The following RACK1 variants were observed in gnomAD, a reference collection of about 807,000 sequenced individuals.
RACK1 encodes the protein receptor for activated C kinase 1, also known as small ribosomal subunit protein RACK1.
In RACK1, 3 loss-of-function variants were observed where a neutral mutation model predicts 42.2. The observed-to-expected ratio is 0.07, with a 90% CI of 0.03 to 0.18. The LOEUF (loss-of-function observed/expected upper bound fraction) is 0.18. Ranked by LOEUF, RACK1 falls within the 10% of genes least tolerant of loss-of-function variation. The pLI is 1.00. For synonymous variants in RACK1, 181 were observed against 154.8 expected (o/e 1.17, Z -1.25); for missense variants, 146 against 403.2 (o/e 0.36, Z 5.46).
At chr5:181,242,678 C>G (rs570297112) in intron 1 of RACK1, 2 of 380,996 alleles carry the variant, frequency 5.2e-6, no homozygotes, top group Admixed American at 6.6e-5. Context: ...CCGCCTCAGC[C>G]TCCCAAGTAG....
At position 181,239,097 on chromosome 5, in the gene RACK1, T is replaced by C. The variant is rs762926985; in HGVS notation, c.606A>G (p.Pro202=). 12 of 1,613,758 alleles carry C rather than the reference T, an allele frequency of 7.4e-6. No individual in the cohort carries two copies. The highest frequency in any genetic ancestry group is 1.0e-5 in the Non-Finnish European group (12 of 1,179,768). The change falls in exon 5 of 8, where the codon CCA becomes CCG. Residue 202 remains proline (P), a synonymous_variant. Transcript: ENST00000512805. ...TGYLNTVTVS[P]DGSLCASGGK... ...CTCCAGAAGCACAGAGGGATCCATC[T>C]GGAGAGACAGTCACCGTGTTCAGAT...
intron 5 of RACK1, 179 bp downstream of exon 5, chr5:181,238,888 C>A: frequency 4.4e-6 from 3 of 686,188 alleles, no homozygotes; most frequent in Non-Finnish European, 8.0e-6. Flanking sequence ...AGATAGTATG[C>A]CTTAACTGTC....
chr5:181,237,291 G>A (rs1435298331), intron 7 of RACK1: 4 of 750,566 alleles, frequency 5.3e-6, no homozygotes, highest in Non-Finnish European at 7.0e-6. Flanking sequence ...CATTTCAACA[G>A]CCAGCTTGTA....
intron 3 of RACK1, 106 bp downstream of exon 3, chr5:181,241,386 C>A: frequency 2.0e-6 from 2 of 982,608 alleles, no homozygotes; most frequent in Non-Finnish European, 3.0e-6. Context: ...GCCGAGACTG[C>A]GCCACTGCAC....
At chr5:181,238,022 T>C in intron 6 of RACK1, 77 bp downstream of exon 6, 3 of 1,494,958 alleles carry the variant, frequency 2.0e-6, no homozygotes, top group South Asian at 1.2e-5. Context: ...GGGAGTCAGA[T>C]GGCATATATA....
intron 2 of RACK1, 61 bp from the exon 3 acceptor site, chr5:181,241,700 TC>T: frequency 3.2e-6 from 5 of 1,561,096 alleles, no homozygotes; most frequent in Non-Finnish European, 4.4e-6. Context: ...ACGGTCAGAC[TC>T]ATTTCCTGGG....
chr5:181,239,546 A>T lies in RACK1; in HGVS notation c.466T>A (p.Phe156Ile). The T allele has an allele frequency of 6.2e-7, 1 of 1,613,912 alleles. No individual in the cohort carries two copies. Among genetic ancestry groups the T allele is most frequent in the Non-Finnish European group, 8.5e-7 (1 of 1,179,846 alleles). ...SHSEWVSCVRFSPNSSNPIIV... is the reference protein window; with the variant it reads ...SHSEWVSCVRISPNSSNPIIV... ...ATAGGGTTGCTGCTGTTGGGCGAGA[A>T]GCGGACACAAGACACCCACTCTGAG... is the stretch of plus-strand genomic sequence containing the variant. The change falls in exon 4 of 8, where the codon TTC (phenylalanine) becomes ATC (isoleucine). Residue 156 changes from phenylalanine (F) to isoleucine (I), a missense_variant. Transcript: ENST00000512805.
intron 3 of RACK1, among the ~76,000 whole-genome samples, chr5:181,240,789 G>C (rs1759314194): frequency 6.6e-6 from 1 of 152,184 alleles, no homozygotes; most frequent in South Asian, 2.1e-4. Context: ...TGGCCTACCA[G>C]AGAGCTAGGA....
chr5:181,236,931 A>C lies in RACK1; in HGVS notation c.*46T>G. 6.4e-7 allele frequency: 1 copy of C among 1,556,204 alleles called. No individual in the cohort carries two copies. Among genetic ancestry groups the C allele is most frequent in the Non-Finnish European group, 8.6e-7 (1 of 1,160,388 alleles). On this transcript the variant is annotated 3_prime_UTR_variant, in exon 8 of 8. Transcript: ENST00000512805. ...TATAAGAAAAAAAAACCTAAAAGTC[A>C]GAAAAGCCAGTTTTTTTTTTATTTG...
chr5:181,241,668 A>G, intron 2 of RACK1, 29 bp from the exon 3 acceptor site: 1 of 1,611,350 alleles, frequency 6.2e-7, no homozygotes, highest in African/African-American at 1.3e-5. Flanking sequence ...TCATTCTCAG[A>G]CTTAGCAAAC....
At chr5:181,240,057 T>TATA (rs908323293) in intron 3 of RACK1, among the ~76,000 whole-genome samples, 1 of 151,040 alleles carries the variant, frequency 6.6e-6, no homozygotes, top group Non-Finnish European at 1.5e-5. Flanking sequence ...CCAAAAAAAA[T>TATA]ATAATAATAA....
At chr5:181,238,493 C>G in intron 5 of RACK1, 1 of 444,928 alleles carries the variant, frequency 2.2e-6, no homozygotes, top group Non-Finnish European at 4.1e-6. Flanking sequence ...GGATCCCAAT[C>G]TCATCAACTG....
chr5:181,239,020 C>A (rs1254823517), intron 5 of RACK1, 47 bp downstream of exon 5: 1 of 1,242,900 alleles, frequency 8.0e-7, no homozygotes, highest in Non-Finnish European at 1.2e-6. Flanking sequence ...GTGCTCCTTC[C>A]ATGACGCTGT....
In RACK1 at chr5:181,238,416, C is replaced by T. The variant is rs1333185292; in HGVS notation, c.637-177G>A. 8.3e-6 allele frequency: 5 copies of T among 603,962 alleles called. No individual in the cohort carries two copies. In the Admixed American group the frequency reaches 9.5e-5, roughly 11 times the overall value. 37.4% of individuals were successfully genotyped at this position (603,962 alleles called of 1,614,324 possible). ...TGTATACCTTTCCTTTAACGTAAGA[C>T]CTTACCAACCCCATCAAAAAACCCC... is the stretch of plus-strand genomic sequence containing the variant. On this transcript the variant is annotated intron_variant, in intron 5 of 7. Coordinates refer to ENST00000512805, the MANE Select transcript of RACK1 (RefSeq NM_006098.5).
intron 1 of RACK1, chr5:181,243,216 G>A: frequency 7.9e-7 from 1 of 1,258,408 alleles, no homozygotes; most frequent in Admixed American, 2.2e-5. Flanking sequence ...CAGGGATAGG[G>A]ACGGGGAGAA....
At chr5:181,243,033 T>C (rs1759410957) in intron 1 of RACK1, 1 of 354,408 alleles carries the variant, frequency 2.8e-6, no homozygotes, top group Admixed American at 3.9e-5. Flanking sequence ...AATGTAGTAA[T>C]GAATGCTGGA....
intron 7 of RACK1, 143 bp from the exon 8 acceptor site, chr5:181,237,185 C>T (rs1453376244): frequency 2.0e-6 from 3 of 1,472,824 alleles, no homozygotes; most frequent in Non-Finnish European, 2.8e-6. Context: ...TCCTGGCTCA[C>T]TACAGCCTTA....
chr5:181,243,201 G>C (rs1245695968), intron 1 of RACK1: 2 of 1,143,772 alleles, frequency 1.7e-6, no homozygotes, highest in South Asian at 1.3e-5. Context: ...ACGCAGTCAG[G>C]AACACAGGGA....
intron 5 of RACK1, chr5:181,238,573 G>A: frequency 2.9e-6 from 1 of 339,822 alleles, no homozygotes; most frequent in East Asian, 8.0e-5. Flanking sequence ...GGGAAGCCGA[G>A]GTGGGCGGAT....
Sources: gnomAD v4.1 joint callset for allele counts (sites outside exome capture counted in the v4.1 genomes callset) on GRCh38, gnomAD v4.1.1 for gene constraint, MANE v1.5 for transcripts, NCBI Gene and HGNC (gene_info 2026-07-23, HGNC 2026-07-21) for gene names.